Variants in PNPLA5 observed in about 807,000 individuals in gnomAD.
PNPLA5 encodes patatin like domain 5, triacylglycerol lipase.
Under a neutral mutation model 49.1 loss-of-function variants are expected in PNPLA5, and 44 were observed. The ratio of observed to expected loss-of-function variants is 0.90; its 90% confidence interval spans 0.70 to 1.15. The LOEUF (loss-of-function observed/expected upper bound fraction) is 1.15, where lower values mean the gene tolerates loss of function less well. Ranked by LOEUF, PNPLA5 falls within the 50% of genes most tolerant of loss-of-function variation. The probability of loss-of-function intolerance (pLI) is 0.00; values close to 1 mark genes in which losing one functional copy is unlikely to be tolerated. For missense variants in PNPLA5, 603 were observed against 564.0 expected (o/e 1.07, Z -0.70); for synonymous variants, 243 against 244.4 (o/e 0.99, Z 0.06).
chr22:43,883,532 T>C (rs1250291685), intron 7 of PNPLA5, among the ~76,000 whole-genome samples: 1 of 152,194 alleles, frequency 6.6e-6, no homozygotes, highest in Non-Finnish European at 1.5e-5. Context: ...AAAAGGAACC[T>C]GTAGCGGTGG....
At chr22:43,889,915 C>T in intron 2 of PNPLA5, 51 bp from the exon 3 acceptor site, 2 of 1,598,422 alleles carry the variant, frequency 1.3e-6, no homozygotes, top group East Asian at 4.5e-5. Context: ...TTCTTGCATT[C>T]AGAACCTTCC....
chr22:43,886,105 C>G (rs1345581324), intron 6 of PNPLA5, among the ~76,000 whole-genome samples, 198 bp downstream of exon 6: 1 of 152,214 alleles, frequency 6.6e-6, no homozygotes, highest in Non-Finnish European at 1.5e-5. Flanking sequence ...CGAATAATGC[C>G]TAGGCCCAGG....
At chr22:43,886,527 A>G in intron 5 of PNPLA5, 39 bp from the exon 6 acceptor site, 1 of 1,576,440 alleles carries the variant, frequency 6.3e-7, no homozygotes, top group African/African-American at 1.3e-5. Flanking sequence ...CAAGCATCTG[A>G]GCCTCCCCAA....
intron 7 of PNPLA5, among the ~76,000 whole-genome samples, chr22:43,883,825 A>G (rs1442041731): frequency 6.6e-6 from 1 of 151,730 alleles, no homozygotes; most frequent in East Asian, 1.9e-4. Flanking sequence ...AAAAAAAGAA[A>G]AGAAAAGAAA....
intron 4 of PNPLA5, among the ~76,000 whole-genome samples, chr22:43,888,426 CTTTTTTTT>C (rs11408284): frequency 1.7e-4 from 14 of 84,370 alleles, no homozygotes; most frequent in African/African-American, 4.2e-4. Context: ...TTCTTTCCTT[CTTTTTTTT>C]TTTTTTTTTT....
At chr22:43,886,555 A>G in intron 5 of PNPLA5, 67 bp from the exon 6 acceptor site, 1 of 1,534,974 alleles carries the variant, frequency 6.5e-7, no homozygotes, top group South Asian at 1.3e-5. Flanking sequence ...CATGCTGCCC[A>G]CATCCCTCAG....
At position 43,886,327 on chromosome 22, in the gene PNPLA5, G is replaced by T. The variant is rs747278892; in HGVS notation, c.925C>A (p.Gln309Lys). Residue 309 changes from glutamine to lysine, a missense_variant, in exon 6 of 9, where the codon CAG becomes AAG. Coordinates refer to ENST00000216177, the MANE Select transcript of PNPLA5 (RefSeq NM_138814.4). Reference protein sequence around the residue: ...VQVKDVPNFEQLSPELEAALK... With the variant: ...VQVKDVPNFEKLSPELEAALK... ...CCAGCCTCCAGCTCTGGTGAGAGCT[G>T]CTCAAAGTTGGGTACATCCTTGACT... 1 of 1,613,904 alleles carries T rather than the reference G, an allele frequency of 6.2e-7. No individual in the cohort carries two copies. The highest frequency in any genetic ancestry group is 2.2e-5 in the East Asian group (1 of 44,888).
In PNPLA5 at chr22:43,879,726, G is replaced by A. The variant is rs942056431; in HGVS notation, c.*1069C>T. ...TTATTTAGAGACAGGGGCTCACTTT[G>A]TTGCCTGGGCTGGGGTGCAGTGGCG... On this transcript the variant is annotated 3_prime_UTR_variant, in exon 9 of 9. Transcript: ENST00000216177. 1 of 152,120 alleles carries A rather than the reference G, an allele frequency of 6.6e-6. No individual in the cohort carries two copies. Among genetic ancestry groups the A allele is most frequent in the Admixed American group, 6.5e-5 (1 of 15,280 alleles). 9.4% of individuals were successfully genotyped at this position (152,120 alleles called of 1,614,324 possible).
intron 7 of PNPLA5, among the ~76,000 whole-genome samples, chr22:43,883,537 C>T (rs759909335): frequency 2.0e-5 from 3 of 152,192 alleles, no homozygotes; most frequent in Non-Finnish European, 2.9e-5. Flanking sequence ...GAACCTGTAG[C>T]GGTGGCTCAT....
intron 7 of PNPLA5, 137 bp from the exon 8 acceptor site, chr22:43,881,811 C>T: frequency 7.0e-7 from 1 of 1,430,720 alleles, no homozygotes; most frequent in Non-Finnish European, 9.2e-7. Flanking sequence ...GAAGGGCCAG[C>T]AGCGTTGGCC....
In PNPLA5 at chr22:43,891,145, G is replaced by A; in HGVS notation, c.343C>T (p.Arg115Trp). Residue 115 changes from arginine to tryptophan, a missense_variant, in exon 2 of 9, where the codon CGG (arginine) becomes TGG (tryptophan). Physicochemically the swap from Arg to Trp is moderately radical, Grantham distance 101 (BLOSUM62 -3). Coordinates refer to ENST00000216177, the MANE Select transcript of PNPLA5 (RefSeq NM_138814.4). ...PPDAHVLASQ[R>W]LGISLTRWPD... is the part of the protein sequence containing the mutation. ...CAGCGGGTCAGCGAAATGCCCAGCC[G>A]CTGGGAGGCCAGGACGTGGGCGTCG... 4.4e-6 allele frequency: 7 copies of A among 1,604,980 alleles called. No individual in the cohort carries two copies. The highest frequency in any genetic ancestry group is 6.0e-6 in the Non-Finnish European group (7 of 1,174,326).
At chr22:43,889,676 A>AG in intron 3 of PNPLA5, 123 bp downstream of exon 3, 2 of 1,512,574 alleles carry the variant, frequency 1.3e-6, no homozygotes, top group Non-Finnish European at 1.8e-6. Context: ...CCCCAGGAGC[A>AG]GGGGGAGGGC....
At chr22:43,888,583 C>T (rs533649307) in intron 4 of PNPLA5, among the ~76,000 whole-genome samples, 4 of 151,850 alleles carry the variant, frequency 2.6e-5, no homozygotes, top group East Asian at 1.9e-4. Flanking sequence ...TACAGGCATG[C>T]GCCACCATGC....
intron 6 of PNPLA5, among the ~76,000 whole-genome samples, chr22:43,885,534 G>A (rs1031053852): frequency 6.6e-6 from 1 of 151,966 alleles, no homozygotes; most frequent in Non-Finnish European, 1.5e-5. Flanking sequence ...CCTCCTGGCT[G>A]TCCCTCACCA....
At chr22:43,886,946 C>T (rs764464533) in intron 5 of PNPLA5, among the ~76,000 whole-genome samples, 1 of 152,130 alleles carries the variant, frequency 6.6e-6, no homozygotes, top group Non-Finnish European at 1.5e-5. Flanking sequence ...GACTTGAGCA[C>T]ATGAGTTCTG....
In PNPLA5 at chr22:43,891,281, G is replaced by C. The variant is rs778040750; in HGVS notation, c.207C>G (p.Ser69=). 4 of 1,556,864 alleles carry C rather than the reference G, an allele frequency of 2.6e-6. No homozygotes were observed. The African/African-American group carries it at 5.4e-5, about 21-fold the overall frequency. The change falls in exon 2 of 9, where the codon TCC becomes TCG. Residue 69 remains serine (S), a synonymous_variant. Transcript: ENST00000216177. ...VCGKSVDFCC[S]HLLGMVGQLE... ...ACTGCCCAACCATGCCCAGGAGGTG[G>C]GAGCAGCAGAAGTCTGCAGTGGGGG...
At position 43,891,808 on chromosome 22, in the gene PNPLA5, C is replaced by G. The variant is rs777407658; in HGVS notation, c.73G>C (p.Val25Leu). The G allele has an allele frequency of 6.6e-7, 1 of 1,521,634 alleles. No individual in the cohort carries two copies. The highest frequency in any genetic ancestry group is 1.4e-5 in the African/African-American group (1 of 70,410). 94.3% of individuals were successfully genotyped at this position (1,521,634 alleles called of 1,614,324 possible). Residue 25 changes from valine (V) to leucine (L), a missense_variant, in exon 1 of 9, where the codon GTG (valine) becomes CTG (leucine). Val to Leu is a conservative substitution (Grantham distance 32, BLOSUM62 1). Coordinates refer to ENST00000216177, the MANE Select transcript of PNPLA5 (RefSeq NM_138814.4). ...SGAGYLGAHH[V>L]GATECLRQRA... ...TGGCGCAGGCATTCGGTGGCGCCCA[C>G]GTGGTGGGCGCCCAGGTAGCCGGCG...
chr22:43,888,493 G>T (rs1383607953), intron 4 of PNPLA5, among the ~76,000 whole-genome samples: 1 of 132,478 alleles, frequency 7.5e-6, no homozygotes, highest in East Asian at 2.1e-4. Flanking sequence ...AGAGTGTAAT[G>T]GCACTATCTC....
At chr22:43,887,070 A>AACAC (rs147288997) in intron 5 of PNPLA5, among the ~76,000 whole-genome samples, 39,689 of 149,334 alleles carry the variant, frequency 0.27, 5,584 homozygotes, top group East Asian at 0.64. Flanking sequence ...CTGCCCCATG[A>AACAC]ACACACACAC....
Sources: gnomAD v4.1 joint callset for allele counts (sites outside exome capture counted in the v4.1 genomes callset) on GRCh38, gnomAD v4.1.1 for gene constraint, MANE v1.5 for transcripts, NCBI Gene and HGNC (gene_info 2026-07-23, HGNC 2026-07-21) for gene names.